Variants in COBL observed in about 807,000 individuals in gnomAD.
The protein encoded by COBL is cordon-bleu WH2 repeat protein.
Under a neutral mutation model 98.8 loss-of-function variants are expected in COBL, and 51 were observed. That is an observed-to-expected ratio of 0.52 (90% CI 0.41 to 0.65). The LOEUF (loss-of-function observed/expected upper bound fraction) is 0.65. COBL is among the 30% of genes least tolerant of loss of function. The pLI is 0.00. For missense variants in COBL, 1,617 were observed against 1,617.5 expected (o/e 1.00, Z 0.01); for synonymous variants, 634 against 651.7 (o/e 0.97, Z 0.41).
intron 7 of COBL, among the ~76,000 whole-genome samples, chr7:51,053,843 C>T (rs1354656421): frequency 3.9e-5 from 6 of 152,212 alleles, no homozygotes; most frequent in African/African-American, 1.4e-4. Flanking sequence ...TGTCACTGTT[C>T]CTCTGCAATG....
chr7:51,186,796 G>A (rs977333883), intron 4 of COBL, among the ~76,000 whole-genome samples: 1 of 152,172 alleles, frequency 6.6e-6, no homozygotes, highest in Admixed American at 6.5e-5. Flanking sequence ...CTAGAGGCTT[G>A]GCAGACACTG....
intron 1 of COBL, among the ~76,000 whole-genome samples, chr7:51,287,768 G>C (rs1367596535): frequency 2.0e-5 from 3 of 152,094 alleles, no homozygotes; most frequent in African/African-American, 7.2e-5. Context: ...TAAACAAACA[G>C]TGGTGGACCC....
chr7:51,111,182 A>AT (rs1385717313), intron 6 of COBL, among the ~76,000 whole-genome samples: 1 of 152,018 alleles, frequency 6.6e-6, no homozygotes, highest in Non-Finnish European at 1.5e-5. Flanking sequence ...TACTAATTTC[A>AT]TTTCTTTTGG....
chr7:51,100,418 G>A (rs1795705940), intron 6 of COBL, among the ~76,000 whole-genome samples: 1 of 152,172 alleles, frequency 6.6e-6, no homozygotes, highest in African/African-American at 2.4e-5. Flanking sequence ...AATCTACCAG[G>A]TTGGAAACAC....
At position 51,256,551 on chromosome 7, in the gene COBL, C is replaced by T. The variant is rs186354042; in HGVS notation, c.42-36607G>A. ...GAGTTCGGATCTCATGGAAAAACAC[C>T]GTGGAAGATGCCCTGGGGCAGCACC... On this transcript the variant is annotated intron_variant, in intron 1 of 12. Transcript: ENST00000265136. Among the ~76,000 whole-genome samples, 50 of 152,362 alleles carry T rather than the reference C, an allele frequency of 3.3e-4. 1 individual carries two copies. In the East Asian group the frequency reaches 7.5e-3, roughly 23 times the overall value.
chr7:51,048,349 T>C (rs1789917462), intron 7 of COBL, among the ~76,000 whole-genome samples: 1 of 152,204 alleles, frequency 6.6e-6, no homozygotes, highest in South Asian at 2.1e-4. Context: ...AATTTAAAAA[T>C]ATTGTAATTT....
At chr7:51,159,754 G>T (rs1447317375) in intron 5 of COBL, among the ~76,000 whole-genome samples, 1 of 151,658 alleles carries the variant, frequency 6.6e-6, no homozygotes, top group Non-Finnish European at 1.5e-5. Context: ...AACTCTTCAG[G>T]ATCTATGTGT....
chr7:51,229,326 C>T (rs1794507817), intron 1 of COBL, among the ~76,000 whole-genome samples: 1 of 152,230 alleles, frequency 6.6e-6, no homozygotes, highest in Non-Finnish European at 1.5e-5. Context: ...AGTCATTTTG[C>T]AGAAAGACAG....
chr7:51,289,893 T>C lies in COBL; in HGVS notation c.41+26700A>G, dbSNP rs149818903. Among the ~76,000 whole-genome samples the C allele has an allele frequency of 2.8e-3, 428 of 152,342 alleles. 2 individuals are homozygous for C. Among genetic ancestry groups the C allele is most frequent in the African/African-American group, 9.8e-3 (406 of 41,582 alleles). On this transcript the variant is annotated intron_variant, in intron 1 of 12. Coordinates refer to ENST00000265136, the MANE Select transcript of COBL (RefSeq NM_015198.5). ...TGATGTTCAATTGCAGGACACAGATTTGCTTTCATGGCTGATATCTCTCCC... is the reference window on the plus strand; with the variant it reads ...TGATGTTCAATTGCAGGACACAGATCTGCTTTCATGGCTGATATCTCTCCC...
intron 5 of COBL, among the ~76,000 whole-genome samples, chr7:51,171,062 A>G (rs1281247480): frequency 6.6e-6 from 1 of 152,190 alleles, no homozygotes; most frequent in Admixed American, 6.5e-5. Flanking sequence ...TAAAAATAAA[A>G]TCAAATTTAA....
At chr7:51,242,224 A>T (rs991894488) in intron 1 of COBL, among the ~76,000 whole-genome samples, 4 of 152,168 alleles carry the variant, frequency 2.6e-5, no homozygotes, top group African/African-American at 9.7e-5. Flanking sequence ...AATCAGACTG[A>T]CTGTGGGCCA....
chr7:51,061,950 T>TACACACACACACACAC (rs3047134), intron 7 of COBL, among the ~76,000 whole-genome samples: 2 of 145,446 alleles, frequency 1.4e-5, no homozygotes, highest in Admixed American at 6.7e-5. Flanking sequence ...CCACCATAGA[T>TACACACACACACACAC]ACACACACAC....
At chr7:51,138,919 T>A (rs2129009560) in intron 5 of COBL, among the ~76,000 whole-genome samples, 1 of 152,320 alleles carries the variant, frequency 6.6e-6, no homozygotes, top group Middle Eastern at 3.4e-3. Flanking sequence ...TCCTCGGTCC[T>A]CACCACAACT....
At chr7:51,205,654 T>G (rs910644404) in intron 2 of COBL, among the ~76,000 whole-genome samples, 1 of 150,716 alleles carries the variant, frequency 6.6e-6, no homozygotes. Context: ...TTTGTTTTTT[T>G]TTTTTTTACA....
At chr7:51,083,445 A>C (rs1793876722) in intron 7 of COBL, among the ~76,000 whole-genome samples, 1 of 152,214 alleles carries the variant, frequency 6.6e-6, no homozygotes. Flanking sequence ...TTACATACGT[A>C]GTGTTCTATC....
intron 1 of COBL, among the ~76,000 whole-genome samples, chr7:51,287,753 A>T (rs950116815): frequency 6.6e-6 from 1 of 152,154 alleles, no homozygotes; most frequent in African/African-American, 2.4e-5. Context: ...CAATGGGTGG[A>T]TGGGTAAACA....
chr7:51,225,554 G>A (rs1794101844), intron 1 of COBL, among the ~76,000 whole-genome samples: 1 of 152,190 alleles, frequency 6.6e-6, no homozygotes. Flanking sequence ...CACAACTCAA[G>A]CTTCCTTTGA....
At chr7:51,182,909 T>C (rs1789126560) in intron 5 of COBL, among the ~76,000 whole-genome samples, 1 of 152,172 alleles carries the variant, frequency 6.6e-6, no homozygotes, top group Non-Finnish European at 1.5e-5. Context: ...GTCTGCCAGT[T>C]CGGCCGAGCT....
chr7:51,181,879 C>T (rs899299531), intron 5 of COBL, among the ~76,000 whole-genome samples: 9 of 152,160 alleles, frequency 5.9e-5, no homozygotes, highest in African/African-American at 1.7e-4. Flanking sequence ...TTGCAATCCA[C>T]GGACGGGACT....
Sources: allele counts gnomAD v4.1 joint callset (sites outside exome capture counted in the v4.1 genomes callset), GRCh38; gene constraint gnomAD v4.1.1; transcripts MANE v1.5; gene names NCBI Gene and HGNC (gene_info 2026-07-23, HGNC 2026-07-21).